The following ZNF454 variants were observed in gnomAD, a reference collection of about 807,000 sequenced individuals.
ZNF454 encodes zinc finger protein 454.
A neutral mutation model predicts 48.2 loss-of-function variants in ZNF454; 30 were observed. That is an observed-to-expected ratio of 0.62 (90% CI 0.47 to 0.84). The LOEUF is 0.84. ZNF454 is among the 40% of genes least tolerant of loss of function. The pLI, the probability that ZNF454 is intolerant of heterozygous loss-of-function variation, is 0.00. For synonymous variants in ZNF454, 204 were observed against 211.4 expected, an observed-to-expected ratio of 0.97 and a Z score of 0.30; for missense variants, 510 against 623.1, an observed-to-expected ratio of 0.82 and a Z score of 1.93.
the ZNF454 span, chr5:178,986,508 G>C: frequency 1.2e-6 from 2 of 1,609,304 alleles, no homozygotes; most frequent in Non-Finnish European, 1.7e-6. Context: ...CCCAGGGGGA[G>C]GACCAGCTCA....
At chr5:178,947,935 G>A (rs1194270376) in intron 4 of ZNF454, among the ~76,000 whole-genome samples, 1 of 151,906 alleles carries the variant, frequency 6.6e-6, no homozygotes, top group Non-Finnish European at 1.5e-5. Context: ...TATTTTTTGA[G>A]ACGGAGCCTC....
At chr5:178,983,323 G>T in the ZNF454 span, 2 of 991,466 alleles carry the variant, frequency 2.0e-6, no homozygotes, top group Non-Finnish European at 3.1e-6. Context: ...TGAGGCTCTG[G>T]CCTATGGAGG....
the ZNF454 span, among the ~76,000 whole-genome samples, chr5:178,984,906 T>C: frequency 6.6e-6 from 1 of 152,082 alleles, no homozygotes; most frequent in African/African-American, 2.4e-5. Context: ...CCCTGCAGTG[T>C]CACACCAGGT....
intron 4 of ZNF454, among the ~76,000 whole-genome samples, chr5:178,950,719 T>G (rs981098943): frequency 2.0e-5 from 3 of 152,198 alleles, no homozygotes; most frequent in Admixed American, 2.0e-4. Flanking sequence ...TTTATCTTTT[T>G]TGAGTTATAA....
intron 4 of ZNF454, among the ~76,000 whole-genome samples, chr5:178,961,495 A>G (rs6867599): frequency 7.9e-5 from 12 of 151,732 alleles, no homozygotes; most frequent in African/African-American, 2.2e-4. Flanking sequence ...TAATAAAATT[A>G]AAATTATTGT....
chr5:178,963,862 A>G (rs897974024), intron 4 of ZNF454, among the ~76,000 whole-genome samples: 7 of 151,628 alleles, frequency 4.6e-5, no homozygotes, highest in African/African-American at 1.7e-4. Flanking sequence ...AAATGAGCCT[A>G]TATCTTGATT....
the ZNF454 span, among the ~76,000 whole-genome samples, chr5:178,976,398 G>T: frequency 6.6e-6 from 1 of 152,168 alleles, no homozygotes. Flanking sequence ...TGTATCCCAG[G>T]TGCTTAGCAC....
chr5:178,986,251 A>T, the ZNF454 span: 9 of 1,614,030 alleles, frequency 5.6e-6, no homozygotes, highest in Admixed American at 3.3e-5. Flanking sequence ...CTTGGTGAGC[A>T]GGGCAGAGTA....
At chr5:178,956,351 A>G (rs1317045580) in intron 4 of ZNF454, among the ~76,000 whole-genome samples, 3 of 152,076 alleles carry the variant, frequency 2.0e-5, no homozygotes, top group Non-Finnish European at 2.9e-5. Context: ...CCTCAGTTAC[A>G]GCTAGTAATC....
chr5:178,985,035 A>C, the ZNF454 span, among the ~76,000 whole-genome samples: 6 of 152,012 alleles, frequency 3.9e-5, no homozygotes, highest in Non-Finnish European at 7.4e-5. Flanking sequence ...AAAATCCCCC[A>C]AAGGAGCTCC....
At chr5:178,969,613 A>G (rs368959223), downstream of ZNF454, 6 of 456,834 alleles carry the variant, frequency 1.3e-5, no homozygotes, top group Middle Eastern at 3.3e-4. Flanking sequence ...CATGTAGTAC[A>G]CAAGACTGCT....
the ZNF454 span, chr5:178,986,710 G>C: frequency 6.2e-7 from 1 of 1,604,934 alleles, no homozygotes; most frequent in Non-Finnish European, 8.5e-7. Flanking sequence ...GCACAGAGAC[G>C]AGGGCACCTC....
At chr5:178,947,863 G>A (rs1006110614) in intron 4 of ZNF454, among the ~76,000 whole-genome samples, 5 of 152,220 alleles carry the variant, frequency 3.3e-5, no homozygotes, top group Non-Finnish European at 7.3e-5. Context: ...ATAAATAACT[G>A]TGTACCTGGA....
At chr5:178,974,882 A>G in the ZNF454 span, among the ~76,000 whole-genome samples, 1 of 152,252 alleles carries the variant, frequency 6.6e-6, no homozygotes, top group African/African-American at 2.4e-5. Context: ...GCTTTGTGAT[A>G]GAACCCAAAC....
chr5:178,951,655 C>A (rs1331899314), intron 4 of ZNF454, among the ~76,000 whole-genome samples: 2 of 152,206 alleles, frequency 1.3e-5, no homozygotes, highest in African/African-American at 4.8e-5. Context: ...ATATACCTTA[C>A]TTTATCCAGT....
At chr5:178,961,017 G>A (rs1759994873) in intron 4 of ZNF454, among the ~76,000 whole-genome samples, 1 of 149,416 alleles carries the variant, frequency 6.7e-6, no homozygotes, top group East Asian at 2.1e-4. Context: ...TGCAACCTCT[G>A]CCTCCTGGGT....
At position 178,943,581 on chromosome 5, in the gene ZNF454, G is replaced by T. The variant is rs59987112; in HGVS notation, c.33+757G>T. ...CACACAGAGCTCAAAGAAGGGCATT[G>T]TAGGAACACTTTTCTGGGGAGGTGT... On this transcript the variant is annotated intron_variant, in intron 2 of 4. Coordinates refer to ENST00000519564, the MANE Select transcript of ZNF454 (RefSeq NM_001178089.3). Among the ~76,000 whole-genome samples the T allele has an allele frequency of 9.5e-3, 1,450 of 152,308 alleles. 79 individuals carry two copies. In the East Asian group the frequency reaches 0.13, roughly 14 times the overall value.
chr5:178,950,150 G>A lies in ZNF454; in HGVS notation c.250+3164G>A, dbSNP rs1759496301. On this transcript the variant is annotated intron_variant, in intron 4 of 4. Transcript: ENST00000519564. ...AGCCTCCCAAAGTTCTGGGATTACA[G>A]GTGTGAGCCACCGTACCTGGCTGAC... Among the ~76,000 whole-genome samples, 5 of 152,312 alleles carry A rather than the reference G, an allele frequency of 3.3e-5. No individual in the cohort carries two copies. In the South Asian group the frequency reaches 1.0e-3, roughly 32 times the overall value.
chr5:178,989,220 A>AAGG, the ZNF454 span: 1 of 817,274 alleles, frequency 1.2e-6, no homozygotes, highest in Non-Finnish European at 1.8e-6. Flanking sequence ...CACCCTCACC[A>AAGG]CCCTCCCCAC....
Sources: allele counts gnomAD v4.1 joint callset (sites outside exome capture counted in the v4.1 genomes callset), GRCh38; gene constraint gnomAD v4.1.1; transcripts MANE v1.5; gene names NCBI Gene and HGNC (gene_info 2026-07-23, HGNC 2026-07-21).